CDH4: variants seen among roughly 807,000 people sequenced by gnomAD.
CDH4 encodes the protein cadherin-4.
Under a neutral mutation model 86.0 loss-of-function variants are expected in CDH4, and 33 were observed. That is an observed-to-expected ratio of 0.38 (90% CI 0.29 to 0.51). The LOEUF is 0.51. Ranked by LOEUF, CDH4 falls within the 20% of genes least tolerant of loss-of-function variation. The pLI is 0.86. For missense variants in CDH4, 1,114 were observed against 1,307.4 expected (o/e 0.85, Z 2.28); for synonymous variants, 555 against 549.4 (o/e 1.01, Z -0.14).
chr20:61,916,999 T>A (rs533552618), intron 9 of CDH4, among the ~76,000 whole-genome samples: 1 of 152,292 alleles, frequency 6.6e-6, no homozygotes, highest in Admixed American at 6.5e-5. Context: ...TGGGCAACTG[T>A]CAGAGGTGTT....
intron 4 of CDH4, among the ~76,000 whole-genome samples, chr20:61,793,727 C>T (rs1257669675): frequency 6.6e-6 from 1 of 151,692 alleles, no homozygotes; most frequent in Non-Finnish European, 1.5e-5. Context: ...GTAATCCCAG[C>T]TACTTGGGAG....
chr20:61,933,113 G>A lies in CDH4; in HGVS notation c.2368G>A (p.Glu790Lys). ...CAAGTATGACGAGGAAGGCGGTGGC[G>A]AGGAGGACCAGGTGAGACTGCGGCC... ...ILKYDEEGGGEEDQDYDLSQL... is the reference protein window; with the variant it reads ...ILKYDEEGGGKEDQDYDLSQL... The change falls in exon 14 of 16, where the codon GAG becomes AAG. Residue 790 changes from glutamate (E) to lysine (K), a missense_variant. Transcript: ENST00000614565. The A allele has an allele frequency of 3.1e-6, 5 of 1,612,898 alleles. No individual in the cohort carries two copies. Among genetic ancestry groups the A allele is most frequent in the Non-Finnish European group, 3.4e-6 (4 of 1,179,878 alleles).
chr20:61,656,534 G>T (rs1233310774), intron 2 of CDH4, among the ~76,000 whole-genome samples: 1 of 152,132 alleles, frequency 6.6e-6, no homozygotes, highest in Middle Eastern at 3.2e-3. Flanking sequence ...CAGGTGTGTG[G>T]CTGTTGTGGG....
At chr20:61,591,252 C>T (rs2086517632) in intron 2 of CDH4, among the ~76,000 whole-genome samples, 1 of 152,152 alleles carries the variant, frequency 6.6e-6, no homozygotes, top group African/African-American at 2.4e-5. Flanking sequence ...ACATCAAAAC[C>T]CAGACATTTG....
At chr20:61,613,366 C>T (rs995194644) in intron 2 of CDH4, among the ~76,000 whole-genome samples, 2 of 152,070 alleles carry the variant, frequency 1.3e-5, no homozygotes, top group Non-Finnish European at 2.9e-5. Flanking sequence ...AAGTTCTTGC[C>T]AGATCTGGCC....
intron 12 of CDH4, 123 bp downstream of exon 12, chr20:61,928,546 C>T (rs920981320): frequency 3.8e-6 from 3 of 796,306 alleles, no homozygotes; most frequent in Admixed American, 2.3e-5. Flanking sequence ...CAGGACTGTC[C>T]CACCAAGGCT....
intron 2 of CDH4, among the ~76,000 whole-genome samples, chr20:61,722,619 G>A (rs759001764): frequency 2.6e-5 from 4 of 151,480 alleles, no homozygotes; most frequent in Non-Finnish European, 5.9e-5. Flanking sequence ...GACTCTGCAG[G>A]GCAGGGCGCC....
At chr20:61,601,410 T>G (rs572161147) in intron 2 of CDH4, among the ~76,000 whole-genome samples, 52 of 152,010 alleles carry the variant, frequency 3.4e-4, no homozygotes, top group Non-Finnish European at 5.0e-4. Flanking sequence ...TCCCCTGGCT[T>G]CCCTCCTCTG....
chr20:61,674,162 G>A (rs1336279882), intron 2 of CDH4, among the ~76,000 whole-genome samples: 1 of 152,066 alleles, frequency 6.6e-6, no homozygotes, highest in Admixed American at 6.6e-5. Flanking sequence ...GCCAGGCACC[G>A]AGCCCAGCAC....
intron 2 of CDH4, among the ~76,000 whole-genome samples, chr20:61,607,873 T>A (rs974204539): frequency 7.2e-5 from 11 of 152,208 alleles, no homozygotes; most frequent in African/African-American, 2.4e-4. Flanking sequence ...ATGGACAGTT[T>A]GGAACCTGAG....
chr20:61,869,676 G>A (rs1176347465), intron 6 of CDH4, among the ~76,000 whole-genome samples: 1 of 152,166 alleles, frequency 6.6e-6, no homozygotes, highest in East Asian at 1.9e-4. Flanking sequence ...TCCACATCCT[G>A]GCCCGCCTTT....
chr20:61,330,313 G>A (rs4812302), intron 2 of CDH4, among the ~76,000 whole-genome samples: 83,752 of 151,830 alleles, frequency 0.55, 23,102 homozygotes, highest in East Asian at 0.68. Flanking sequence ...ACAATGGTTG[G>A]ACTAATTTAC....
At chr20:61,295,998 A>G (rs2084349864) in intron 2 of CDH4, among the ~76,000 whole-genome samples, 1 of 151,950 alleles carries the variant, frequency 6.6e-6, no homozygotes, top group African/African-American at 2.4e-5. Flanking sequence ...CCGCTGCAGG[A>G]GGTGGTTTTC....
At chr20:61,509,517 C>T (rs2085764796) in intron 2 of CDH4, among the ~76,000 whole-genome samples, 1 of 148,596 alleles carries the variant, frequency 6.7e-6, no homozygotes, top group African/African-American at 2.5e-5. Context: ...GGAAGCCGAG[C>T]ATGTGAATGT....
chr20:61,459,952 G>A (rs948497642), intron 2 of CDH4, among the ~76,000 whole-genome samples: 3 of 151,938 alleles, frequency 2.0e-5, no homozygotes, highest in East Asian at 2.0e-4. Context: ...CCCCAGGGCC[G>A]CAGGTACCCC....
chr20:61,509,553 C>A (rs1257921160), intron 2 of CDH4, among the ~76,000 whole-genome samples: 1 of 150,430 alleles, frequency 6.6e-6, no homozygotes, highest in African/African-American at 2.5e-5. Flanking sequence ...TTCTTCCCAG[C>A]CACCTAGCAG....
intron 2 of CDH4, among the ~76,000 whole-genome samples, chr20:61,508,927 C>T (rs1021697130): frequency 1.3e-5 from 2 of 152,314 alleles, no homozygotes; most frequent in Admixed American, 6.5e-5. Context: ...TCTGCCTCCA[C>T]AGCACCAGCT....
At chr20:61,545,295 C>T (rs757311178) in intron 2 of CDH4, among the ~76,000 whole-genome samples, 4 of 152,254 alleles carry the variant, frequency 2.6e-5, no homozygotes, top group Non-Finnish European at 5.9e-5. Context: ...AACATGCGTA[C>T]ATTTGGGAAG....
intron 4 of CDH4, among the ~76,000 whole-genome samples, chr20:61,814,562 A>T (rs1222100403): frequency 6.6e-6 from 1 of 152,252 alleles, no homozygotes; most frequent in African/African-American, 2.4e-5. Flanking sequence ...TACAGAGACA[A>T]CATTTGCAGT....
Sources: gnomAD v4.1 joint callset for allele counts (sites outside exome capture counted in the v4.1 genomes callset) on GRCh38, gnomAD v4.1.1 for gene constraint, MANE v1.5 for transcripts, NCBI Gene and HGNC (gene_info 2026-07-23, HGNC 2026-07-21) for gene names.